Variants in ADGRB1 observed in about 807,000 individuals in gnomAD.
The protein encoded by ADGRB1 is adhesion G protein-coupled receptor B1, also known as brain-specific angiogenesis inhibitor 1.
ADGRB1 carries 36 observed loss-of-function variants against 175.7 expected under a neutral mutation model. The ratio of observed to expected loss-of-function variants is 0.20; its 90% CI spans 0.16 to 0.27. The LOEUF is 0.27. Among genes scored for constraint, ADGRB1 ranks in the 10% least tolerant of loss-of-function variants. The pLI is 1.00. For synonymous variants in ADGRB1, 1,054 were observed against 979.4 expected (o/e 1.08, Z -1.42); for missense variants, 1,731 against 2,255.3 (o/e 0.77, Z 4.71).
rs1845432335 is a variant in ADGRB1, at chr8:142,543,824, A to G, written c.4557+116A>G. ...CATCCATCCATCCATCCATTCGTTC[A>G]TTCATTCATTCATTCGCCCATCCCT... is the stretch of plus-strand genomic sequence containing the variant. On this transcript the variant is annotated intron_variant, in intron 30 of 30. Coordinates refer to ENST00000517894, the MANE Select transcript of ADGRB1 (RefSeq NM_001702.3). This position sits in a 1 kb window ranked among gnomAD's most constrained non-coding sequence, Gnocchi z 4.4. 11 of 958,746 alleles carry G rather than the reference A, an allele frequency of 1.1e-5. No individual in the cohort carries two copies. Among genetic ancestry groups the G allele is most frequent in the Admixed American group, 8.6e-5 (4 of 46,676 alleles). The allele number at this position is 958,746 out of a possible 1,614,324, so 59.4% of individuals were successfully genotyped here. A position where few individuals can be genotyped will look rare whatever the true frequency, so the allele number is the denominator to read the frequency against.
At chr8:142,539,789 C>CA (rs1159249224) in intron 27 of ADGRB1, 2 of 298,758 alleles carry the variant, frequency 6.7e-6, no homozygotes, top group East Asian at 1.3e-4. Context: ...CGCTCCCCCC[C>CA]CCTGCCTCCT....
At chr8:142,469,505 A>C (rs1462807876) in intron 2 of ADGRB1, among the ~76,000 whole-genome samples, 5 of 100,512 alleles carry the variant, frequency 5.0e-5, no homozygotes, top group East Asian at 3.3e-4. Context: ...GCATGTGTGA[A>C]TGTGTGTGTA....
In ADGRB1 at chr8:142,476,655, G is replaced by A. The variant is rs1263007457; in HGVS notation, c.1017G>A (p.Gly339=). Residue 339 remains glycine, a synonymous_variant, in exon 4 of 31, where the codon GGG becomes GGA. Transcript: ENST00000517894. The stretch of plus-strand genomic sequence containing the variant: ...ATGCCCGGCGGCGCGAGGAGCTGGG[G>A]GACGAGCTGCAGCAGTTTGGGTTCC... The part of the protein sequence containing the change: ...STDARRREEL[G]DELQQFGFPA... The A allele has an allele frequency of 6.5e-6, 10 of 1,548,222 alleles. No individual in the cohort carries two copies. In the South Asian group the frequency reaches 1.1e-4, roughly 17 times the overall value.
intron 1 of ADGRB1, among the ~76,000 whole-genome samples, chr8:142,458,264 C>T (rs1382526832): frequency 6.6e-6 from 1 of 152,188 alleles, no homozygotes; most frequent in Non-Finnish European, 1.5e-5. Context: ...TCCACTGCCC[C>T]TGGTTGGATG....
intron 18 of ADGRB1, among the ~76,000 whole-genome samples, chr8:142,516,642 GGTGTGTGTGT>G (rs10638916): frequency 7.7e-6 from 1 of 130,280 alleles, no homozygotes; most frequent in South Asian, 2.5e-4. Context: ...GCGGGTCCCA[GGTGTGTGTGT>G]GTGTGTGTGT....
At chr8:142,515,176 C>T (rs1238034397) in intron 18 of ADGRB1, among the ~76,000 whole-genome samples, 1 of 152,060 alleles carries the variant, frequency 6.6e-6, no homozygotes, top group African/African-American at 2.4e-5. Context: ...GAGCCCGGCG[C>T]CTGAAGGTCA....
intron 1 of ADGRB1, among the ~76,000 whole-genome samples, chr8:142,461,831 C>G (rs1041256516): frequency 6.6e-6 from 1 of 152,176 alleles, no homozygotes; most frequent in African/African-American, 2.4e-5. Flanking sequence ...GTGAGGCTGG[C>G]TGACCTGTGG....
At chr8:142,524,537 G>A (rs1035891031) in intron 23 of ADGRB1, among the ~76,000 whole-genome samples, 1 of 152,182 alleles carries the variant, frequency 6.6e-6, no homozygotes, top group Non-Finnish European at 1.5e-5. Context: ...TGTGAGTCTC[G>A]GCTTGCCTGA....
intron 1 of ADGRB1, among the ~76,000 whole-genome samples, chr8:142,459,924 C>T (rs1410945972): frequency 1.3e-5 from 2 of 152,228 alleles, no homozygotes; most frequent in African/African-American, 4.8e-5. Context: ...ATCCTCAGGG[C>T]CCCACTCAGG....
At chr8:142,462,968 C>T (rs1042934415) in intron 1 of ADGRB1, among the ~76,000 whole-genome samples, 2 of 152,220 alleles carry the variant, frequency 1.3e-5, no homozygotes, top group Non-Finnish European at 2.9e-5. Context: ...GGCAGTCACT[C>T]AACCTGGGCC....
intron 17 of ADGRB1, among the ~76,000 whole-genome samples, chr8:142,497,258 G>A (rs530525007): frequency 6.6e-6 from 1 of 152,304 alleles, no homozygotes; most frequent in South Asian, 2.1e-4. Context: ...CCTGGCTCGG[G>A]ACCCAGACCC....
At chr8:142,503,534 G>C (rs1442024072) in intron 17 of ADGRB1, among the ~76,000 whole-genome samples, 7 of 152,140 alleles carry the variant, frequency 4.6e-5, no homozygotes, top group Non-Finnish European at 5.9e-5. Context: ...AGGCCAGGCA[G>C]AGCAGGGCTG....
rs1029506158 is a variant in ADGRB1, at chr8:142,484,064, A to G, written c.2199+19A>G. On this transcript the variant is annotated intron_variant, in intron 12 of 30. Coordinates refer to ENST00000517894, the MANE Select transcript of ADGRB1 (RefSeq NM_001702.3). ...CCAGCTGGTAGGGCCTGGGGCCCCT[A>G]CGGTCAGCAGCCTCAGGAGGGGTGC... 3.1e-6 allele frequency: 5 copies of G among 1,603,650 alleles called. No individual in the cohort carries two copies. The highest frequency in any genetic ancestry group is 4.2e-6 in the Non-Finnish European group (5 of 1,176,500).
rs1207993361 is a variant in ADGRB1, at chr8:142,521,965, G to A, written c.3025G>A (p.Val1009Met). The stretch of plus-strand genomic sequence containing the variant: ...CTGCCCCGCCCTGGGCCCCACACAG[G>A]TGGTGTGCACGCTGGTGGCCGCCTT... ...LIGQTQTRNK[V>M]VCTLVAAFLH... Residue 1009 changes from valine (V) to methionine (M), a missense_variant and splice_region_variant, in exon 21 of 31, where the codon GTG (valine) becomes ATG (methionine). By Grantham distance (21) the Val-to-Met change is conservative. This residue lies in a region of ADGRB1 where 301 missense variants were observed against 488.4 expected (regional missense o/e 0.62). Transcript: ENST00000517894. 1.3e-6 allele frequency: 2 copies of A among 1,588,950 alleles called. No individual in the cohort carries two copies.
Position 142,511,030 on chromosome 8 carries a change from G to A in ADGRB1, c.2774G>A (p.Arg925Gln). 7.7e-7 allele frequency: 1 copy of A among 1,301,608 alleles called. No individual in the cohort carries two copies. Among genetic ancestry groups the A allele is most frequent in the Admixed American group, 2.8e-5 (1 of 36,314 alleles). The allele number at this position is 1,301,608 out of a possible 1,614,324, so 80.6% of individuals were successfully genotyped here. The change falls in exon 18 of 31, where the codon CGG becomes CAG. Residue 925 changes from arginine to glutamine, a missense_variant. By Grantham distance (43) the Arg-to-Gln change is conservative. Around this residue, in one of 8 missense-constraint regions of ADGRB1, gnomAD observed 77 missense variants for 71.6 expected, o/e 1.08. Transcript: ENST00000517894. The surrounding 1 kb of genome is among the most constrained non-coding windows in gnomAD (Gnocchi z 4.5). Reference protein sequence around the residue: ...DALRTRCLCDRLSTFAILAQL... With the variant: ...DALRTRCLCDQLSTFAILAQL... ...CTCCGGACGCGCTGCCTCTGTGACCGGCTCTCCACCTTCGCCATCTTAGCC... is the reference window on the plus strand; with the variant it reads ...CTCCGGACGCGCTGCCTCTGTGACCAGCTCTCCACCTTCGCCATCTTAGCC...
chr8:142,530,367 G>A (rs771499762), intron 24 of ADGRB1, among the ~76,000 whole-genome samples: 9 of 152,222 alleles, frequency 5.9e-5, no homozygotes, highest in Middle Eastern at 6.8e-3. Flanking sequence ...AGGGCAGGGC[G>A]GTATGGGCTC....
At position 142,478,276 on chromosome 8, in the gene ADGRB1, G is replaced by T. The variant is rs1312370396; in HGVS notation, c.1477G>T (p.Glu493Ter). 6.2e-7 allele frequency: 1 copy of T among 1,610,598 alleles called. No individual in the cohort carries two copies. Among genetic ancestry groups the T allele is most frequent in the Admixed American group, 1.7e-5 (1 of 59,756 alleles). Residue 493 changes from glutamate to a stop codon, truncating the protein, a stop_gained, in exon 7 of 31, where the codon GAA becomes TAA. Transcript: ENST00000517894. LOFTEE classifies it high-confidence loss of function. ...CCAGGGCCGACAGCAGCGCACGCGT[G>T]AATGCAACGGGCCTTCCTACGGGGG... ...CSQGRQQRTR[E>*]CNGPSYGGAE...
At chr8:142,475,894 C>G (rs1242128053) in intron 3 of ADGRB1, among the ~76,000 whole-genome samples, 1 of 7,088 alleles carries the variant, frequency 1.4e-4, no homozygotes, top group Non-Finnish European at 4.6e-4. Flanking sequence ...AGGACCTAAA[C>G]TCGGGGCTGG....
intron 17 of ADGRB1, among the ~76,000 whole-genome samples, chr8:142,498,214 T>A (rs1039995660): frequency 6.6e-6 from 1 of 152,160 alleles, no homozygotes; most frequent in African/African-American, 2.4e-5. Flanking sequence ...AATCCTTGGA[T>A]CCGTGTGTGT....
Sources: gnomAD v4.1 joint callset for allele counts (sites outside exome capture counted in the v4.1 genomes callset) on GRCh38, gnomAD v4.1.1 for gene constraint, gnomAD v4.1.1 regional missense constraint, Gnocchi (gnomAD v3.1) non-coding constraint, MANE v1.5 for transcripts, NCBI Gene and HGNC (gene_info 2026-07-23, HGNC 2026-07-21) for gene names.